Variants in BMAL2 observed in about 807,000 individuals in gnomAD.
The protein encoded by BMAL2 is basic helix-loop-helix ARNT-like protein 2.
the BMAL2 span, among the ~76,000 whole-genome samples, chr12:27,336,947 C>CAA: frequency 9.9e-3 from 725 of 72,968 alleles, 11 homozygotes; most frequent in African/African-American, 0.033. Flanking sequence ...GAGACTGTCT[C>CAA]AAAAAAAAAA....
the BMAL2 span, among the ~76,000 whole-genome samples, chr12:27,344,639 G>A: frequency 6.6e-6 from 1 of 152,154 alleles, no homozygotes; most frequent in Non-Finnish European, 1.5e-5. Context: ...GGCCTACCCA[G>A]ATTATCTAGG....
At chr12:27,393,003 A>G in the BMAL2 span, among the ~76,000 whole-genome samples, 1 of 152,094 alleles carries the variant, frequency 6.6e-6, no homozygotes, top group Non-Finnish European at 1.5e-5. Context: ...CAGCCTCTGT[A>G]TTCTCTCCCC....
At chr12:27,396,056 G>A in the BMAL2 span, among the ~76,000 whole-genome samples, 5 of 152,188 alleles carry the variant, frequency 3.3e-5, no homozygotes, top group Admixed American at 6.5e-5. Context: ...GACTGTATTC[G>A]TAGTTAGAGC....
chr12:27,376,769 G>A, the BMAL2 span, among the ~76,000 whole-genome samples: 1 of 151,928 alleles, frequency 6.6e-6, no homozygotes, highest in African/African-American at 2.4e-5. Context: ...GGGAGGCCGA[G>A]GCAGGTGGAT....
At chr12:27,424,378 A>G in the BMAL2 span, 1 of 152,260 alleles carries the variant, frequency 6.6e-6, no homozygotes, top group Non-Finnish European at 1.5e-5. Context: ...ATGTGTTATT[A>G]CAGGATGATA....
chr12:27,391,894 A>G, the BMAL2 span, among the ~76,000 whole-genome samples: 10 of 152,322 alleles, frequency 6.6e-5, no homozygotes, highest in East Asian at 5.8e-4. Context: ...AGAGCTGTCT[A>G]ACGTCACATA....
chr12:27,394,036 A>G, the BMAL2 span, among the ~76,000 whole-genome samples: 11 of 152,126 alleles, frequency 7.2e-5, no homozygotes, highest in Admixed American at 2.0e-4. Flanking sequence ...GGCTCAGATG[A>G]TCTTCCCGCC....
At chr12:27,390,425 G>A in the BMAL2 span, 1 of 600,400 alleles carries the variant, frequency 1.7e-6, no homozygotes, top group Non-Finnish European at 2.8e-6. Flanking sequence ...GAATTTATCA[G>A]GTAATTACAT....
the BMAL2 span, among the ~76,000 whole-genome samples, chr12:27,404,675 C>T: frequency 2.0e-5 from 3 of 152,198 alleles, no homozygotes; most frequent in African/African-American, 7.2e-5. Context: ...CCAGCATGAG[C>T]GACACAGAAG....
the BMAL2 span, among the ~76,000 whole-genome samples, chr12:27,378,318 A>G: frequency 6.6e-6 from 1 of 152,244 alleles, no homozygotes; most frequent in Non-Finnish European, 1.5e-5. Flanking sequence ...AAATAAGGGT[A>G]GTGGTATGAA....
At chr12:27,420,015 G>A in the BMAL2 span, among the ~76,000 whole-genome samples, 7 of 46,660 alleles carry the variant, frequency 1.5e-4, no homozygotes, top group South Asian at 8.2e-4. Context: ...CAGGGTTTGC[G>A]CGTGCACACA....
the BMAL2 span, among the ~76,000 whole-genome samples, chr12:27,365,634 C>A: frequency 1.3e-5 from 2 of 151,600 alleles, no homozygotes; most frequent in South Asian, 4.1e-4. Flanking sequence ...ATGTTTCATT[C>A]CATCTAAATT....
the BMAL2 span, among the ~76,000 whole-genome samples, chr12:27,343,287 G>C: frequency 1.3e-5 from 2 of 152,102 alleles, no homozygotes; most frequent in African/African-American, 4.8e-5. Context: ...TTAAAAAAAG[G>C]CTCTTTCCTT....
the BMAL2 span, among the ~76,000 whole-genome samples, chr12:27,356,760 A>AT: frequency 6.6e-6 from 1 of 151,948 alleles, no homozygotes; most frequent in Non-Finnish European, 1.5e-5. Context: ...GTAAGCATTT[A>AT]TTTTTTATTT....
chr12:27,369,005 T>C, the BMAL2 span, among the ~76,000 whole-genome samples: 4 of 152,206 alleles, frequency 2.6e-5, no homozygotes, highest in African/African-American at 9.7e-5. Context: ...CCAGGTGCAG[T>C]GGCACACGCC....
At chr12:27,367,460 G>C in the BMAL2 span, among the ~76,000 whole-genome samples, 2 of 152,144 alleles carry the variant, frequency 1.3e-5, no homozygotes, top group African/African-American at 4.8e-5. Context: ...GGGGACTACT[G>C]TATACTGTAT....
chr12:27,409,864 C>G, the BMAL2 span, among the ~76,000 whole-genome samples: 4 of 152,112 alleles, frequency 2.6e-5, no homozygotes, highest in African/African-American at 9.7e-5. Flanking sequence ...GGGCTAATAT[C>G]CAGAATCTAC....
the BMAL2 span, among the ~76,000 whole-genome samples, chr12:27,386,768 T>C: frequency 6.6e-6 from 1 of 152,160 alleles, no homozygotes. Flanking sequence ...TAGCTGGGAC[T>C]AGAGGCGTGC....
chr12:27,418,427 C>A, the BMAL2 span, among the ~76,000 whole-genome samples: 1 of 150,152 alleles, frequency 6.7e-6, no homozygotes, highest in African/African-American at 2.5e-5. Context: ...TAGCAATAAC[C>A]CATCCCTACG....
Sources: gnomAD v4.1 joint callset for allele counts (sites outside exome capture counted in the v4.1 genomes callset) on GRCh38, gnomAD v4.1.1 for gene constraint, MANE v1.5 for transcripts, NCBI Gene and HGNC (gene_info 2026-07-23, HGNC 2026-07-21) for gene names.